TRDN: variants seen among roughly 807,000 people sequenced by gnomAD.
The protein encoded by TRDN is triadin, also known as triadin in skeletal muscle.
A neutral mutation model predicts 149.7 loss-of-function variants in TRDN; 161 were observed. The ratio of observed to expected loss-of-function variants is 1.08; its 90% CI spans 0.95 to 1.23. The LOEUF is 1.23. TRDN is among the 50% of genes most tolerant of loss of function. The probability of loss-of-function intolerance (pLI) is 0.00; values close to 1 mark genes in which losing one functional copy is unlikely to be tolerated. For synonymous variants in TRDN, 294 were observed against 250.5 expected (o/e 1.17, Z -1.64); for missense variants, 896 against 823.5 (o/e 1.09, Z -1.08).
At chr6:123,481,552 T>C (rs1418273868) in intron 9 of TRDN, among the ~76,000 whole-genome samples, 1 of 152,102 alleles carries the variant, frequency 6.6e-6, no homozygotes, top group East Asian at 1.9e-4. Context: ...AATTTCCTAA[T>C]TTCTGAGTTG....
chr6:123,314,646 T>C (rs926065849), intron 24 of TRDN, among the ~76,000 whole-genome samples: 9 of 152,058 alleles, frequency 5.9e-5, no homozygotes, highest in Non-Finnish European at 1.3e-4. Context: ...ATATATACCA[T>C]GGAATATTAT....
chr6:123,386,965 CGCTTAATAG>C (rs1781928400), intron 14 of TRDN, among the ~76,000 whole-genome samples: 1 of 152,042 alleles, frequency 6.6e-6, no homozygotes, highest in Non-Finnish European at 1.5e-5. Context: ...CCTTGATGTA[CGCTTAATAG>C]GCAGTTAGGA....
At chr6:123,409,279 T>C (rs2075307337) in intron 12 of TRDN, among the ~76,000 whole-genome samples, 1 of 152,222 alleles carries the variant, frequency 6.6e-6, no homozygotes, top group Non-Finnish European at 1.5e-5. Context: ...CTTTGACATA[T>C]ATTCTTCAAT....
intron 38 of TRDN, among the ~76,000 whole-genome samples, chr6:123,228,217 C>T (rs1775461776): frequency 6.6e-6 from 1 of 151,860 alleles, no homozygotes; most frequent in Non-Finnish European, 1.5e-5. Context: ...AATTAAAAAT[C>T]AGAGAGATTC....
chr6:123,594,439 A>G (rs975563312), intron 1 of TRDN, among the ~76,000 whole-genome samples: 2 of 152,186 alleles, frequency 1.3e-5, no homozygotes, highest in East Asian at 1.9e-4. Flanking sequence ...AGAAAGCTCT[A>G]CTATAGGTTG....
intron 24 of TRDN, among the ~76,000 whole-genome samples, chr6:123,297,569 C>T (rs1437129863): frequency 6.6e-6 from 1 of 151,960 alleles, no homozygotes; most frequent in East Asian, 1.9e-4. Context: ...GTGCTAAGCA[C>T]TTCAGTCTCC....
chr6:123,332,589 C>A (rs953787027), intron 22 of TRDN, among the ~76,000 whole-genome samples: 5 of 152,066 alleles, frequency 3.3e-5, no homozygotes, highest in South Asian at 2.1e-4. Flanking sequence ...TGGTCAATGT[C>A]TTTAACATCA....
chr6:123,376,298 G>A (rs1781501175), intron 18 of TRDN, among the ~76,000 whole-genome samples: 1 of 152,096 alleles, frequency 6.6e-6, no homozygotes, highest in Admixed American at 6.6e-5. Context: ...TGAACCAACA[G>A]GGTGTTCTCT....
chr6:123,477,751 C>T (rs966615176), intron 9 of TRDN, among the ~76,000 whole-genome samples: 48 of 152,158 alleles, frequency 3.2e-4, no homozygotes, highest in African/African-American at 9.6e-4. Context: ...GAGTTCATGT[C>T]CTTTGTAGGG....
chr6:123,629,942 AG>A (rs1041273874), intron 1 of TRDN, among the ~76,000 whole-genome samples: 13 of 152,056 alleles, frequency 8.5e-5, no homozygotes, highest in African/African-American at 3.1e-4. Context: ...AACCCTCACT[AG>A]GGGTAATATA....
At chr6:123,335,156 T>C (rs1393514592) in intron 22 of TRDN, among the ~76,000 whole-genome samples, 5 of 151,858 alleles carry the variant, frequency 3.3e-5, no homozygotes, top group Non-Finnish European at 7.4e-5. Flanking sequence ...TTAGTAATGA[T>C]AAATTATATT....
rs560544088 is a variant in TRDN at position 123,501,062 on chromosome 6, G to A, written c.793+2657C>T. On this transcript the variant is annotated intron_variant, in intron 8 of 40. Transcript: ENST00000334268. Reference sequence around the variant, plus strand: ...ATAAAAACTAGATTATTTGATGGGTGTGTGTGTGTGTCTGTGTGTGTGTGT... The same window carrying A: ...ATAAAAACTAGATTATTTGATGGGTATGTGTGTGTGTCTGTGTGTGTGTGT... Among the ~76,000 whole-genome samples, 12 of 151,806 alleles carry A rather than the reference G, an allele frequency of 7.9e-5. No homozygotes were observed. In the South Asian group the frequency reaches 2.5e-3, roughly 32 times the overall value.
chr6:123,457,704 C>G (rs1322416106), intron 10 of TRDN: 7 of 306,110 alleles, frequency 2.3e-5, no homozygotes, highest in Non-Finnish European at 4.5e-5. Flanking sequence ...TGAAAGATAC[C>G]TATGTTACCT....
chr6:123,471,789 A>G (rs533890503), intron 9 of TRDN: 1 of 152,156 alleles, frequency 6.6e-6, no homozygotes, highest in Non-Finnish European at 1.5e-5. Context: ...CTCACCTCCA[A>G]TTTATGAAGT....
At chr6:123,485,006 C>T (rs1777915165) in intron 9 of TRDN, among the ~76,000 whole-genome samples, 1 of 152,124 alleles carries the variant, frequency 6.6e-6, no homozygotes, top group Non-Finnish European at 1.5e-5. Flanking sequence ...ATTCCAGTTA[C>T]TTACAGTGAC....
intron 9 of TRDN, among the ~76,000 whole-genome samples, chr6:123,477,602 C>G (rs1455856845): frequency 6.6e-6 from 1 of 151,566 alleles, no homozygotes; most frequent in Admixed American, 6.6e-5. Context: ...TATAAAGACA[C>G]ATGCACACGT....
chr6:123,505,698 A>G (rs1449576870), intron 7 of TRDN, among the ~76,000 whole-genome samples: 4 of 151,884 alleles, frequency 2.6e-5, no homozygotes, highest in African/African-American at 7.3e-5. Context: ...CAATTACTCT[A>G]TAAACTTTTT....
intron 21 of TRDN, among the ~76,000 whole-genome samples, chr6:123,343,833 C>A (rs1197503204): frequency 1.3e-5 from 2 of 152,012 alleles, no homozygotes; most frequent in African/African-American, 4.8e-5. Context: ...TACATTCTTT[C>A]TGTAACAGAC....
intron 24 of TRDN, among the ~76,000 whole-genome samples, chr6:123,284,970 C>G (rs1777748568): frequency 6.6e-6 from 1 of 151,974 alleles, no homozygotes; most frequent in South Asian, 2.1e-4. Flanking sequence ...AGTGAAACAC[C>G]TCTACAAGGA....
Sources: gnomAD v4.1 joint callset for allele counts (sites outside exome capture counted in the v4.1 genomes callset) on GRCh38, gnomAD v4.1.1 for gene constraint, MANE v1.5 for transcripts, NCBI Gene and HGNC (gene_info 2026-07-23, HGNC 2026-07-21) for gene names.